The following TUSC3 variants were observed in gnomAD, a reference collection of about 807,000 sequenced individuals.
The protein encoded by TUSC3 is dolichyl-diphosphooligosaccharide--protein glycosyltransferase subunit TUSC3.
A neutral mutation model predicts 44.8 loss-of-function variants in TUSC3; 45 were observed. The ratio of observed to expected loss-of-function variants is 1.00; its 90% confidence interval spans 0.79 to 1.29. TUSC3 has a LOEUF of 1.29. Ranked by LOEUF, TUSC3 falls within the 50% of genes most tolerant of loss-of-function variation. The pLI is 0.00. For missense variants in TUSC3, 519 were observed against 437.9 expected, an observed-to-expected ratio of 1.19 and a Z score of -1.65; for synonymous variants, 212 against 152.9, an observed-to-expected ratio of 1.39 and a Z score of -2.85.
At chr8:15,659,303 A>G (rs1164401004) in intron 3 of TUSC3, among the ~76,000 whole-genome samples, 3 of 152,130 alleles carry the variant, frequency 2.0e-5, no homozygotes, top group Non-Finnish European at 4.4e-5. Flanking sequence ...AAATGTGAAG[A>G]TTCAGATAAC....
intron 2 of TUSC3, among the ~76,000 whole-genome samples, chr8:15,523,698 GTGTGTGTGTGTATA>G (rs1801333151): frequency 1.8e-5 from 1 of 55,334 alleles, no homozygotes. Flanking sequence ...GTGTGTGTGT[GTGTGTGTGTGTATA>G]TATATATATA....
intron 4 of TUSC3, 131 bp downstream of exon 4, chr8:15,659,778 G>A: frequency 8.6e-7 from 1 of 1,164,730 alleles, no homozygotes; most frequent in Non-Finnish European, 1.2e-6. Flanking sequence ...AAAACTGTTC[G>A]ATTACTGCAA....
At position 15,605,883 on chromosome 8, in the gene TUSC3, G is replaced by C. The variant is rs529745373; in HGVS notation, c.139-17197G>C. 5.9e-5 allele frequency among the ~76,000 whole-genome samples: 9 copies of C among 152,036 alleles called. No homozygotes were observed. The South Asian group carries it at 1.9e-3, about 32-fold the overall frequency. ...TGTCATAACTTCGTAGCTGCATTCC[G>C]TTGCTATTAGGGTGAGCTTAAGTGT... On this transcript the variant is annotated intron_variant, in intron 1 of 10. Transcript: ENST00000503731.
chr8:15,647,558 C>G (rs111640588), intron 2 of TUSC3, among the ~76,000 whole-genome samples: 5 of 152,308 alleles, frequency 3.3e-5, no homozygotes, highest in South Asian at 2.1e-4. Flanking sequence ...GCTTCACAGA[C>G]TACAGCTTCT....
At chr8:15,550,293 C>T (rs1802016557) in intron 1 of TUSC3, among the ~76,000 whole-genome samples, 2 of 151,820 alleles carry the variant, frequency 1.3e-5, no homozygotes, top group South Asian at 4.2e-4. Flanking sequence ...GTGGTCTCCT[C>T]CCTTAATGGC....
intron 1 of TUSC3, among the ~76,000 whole-genome samples, chr8:15,568,038 C>G (rs1802740819): frequency 6.6e-6 from 1 of 152,086 alleles, no homozygotes; most frequent in Non-Finnish European, 1.5e-5. Context: ...TCAGGCAAGG[C>G]TACACATATT....
chr8:15,510,755 C>T (rs1414311693), intron 2 of TUSC3, among the ~76,000 whole-genome samples: 1 of 142,578 alleles, frequency 7.0e-6, no homozygotes, highest in Non-Finnish European at 1.6e-5. Context: ...ACTCTCATTA[C>T]AAAACCAAGA....
At chr8:15,825,770 C>T in the TUSC3 span, among the ~76,000 whole-genome samples, 1 of 151,968 alleles carries the variant, frequency 6.6e-6, no homozygotes, top group Non-Finnish European at 1.5e-5. Context: ...ATTTTTTTGC[C>T]CAGGTATTTT....
intron 6 of TUSC3, among the ~76,000 whole-genome samples, chr8:15,678,607 C>T (rs1198515787): frequency 6.6e-6 from 1 of 152,128 alleles, no homozygotes; most frequent in Non-Finnish European, 1.5e-5. Flanking sequence ...GAACATCTAT[C>T]TCTATAGGAA....
Position 15,564,674 on chromosome 8 carries a change from A to G in TUSC3, c.138+24106A>G, listed in dbSNP as rs534023798. ...TCTTCACAGACACAAGCTAGATGAC[A>G]TTTCCCAGTGTCCCATGTTTAGATA... On this transcript the variant is annotated intron_variant, in intron 1 of 10. Transcript: ENST00000503731. 8.5e-5 allele frequency among the ~76,000 whole-genome samples: 13 copies of G among 152,238 alleles called. No individual in the cohort carries two copies. The East Asian group carries it at 1.5e-3, about 18-fold the overall frequency.
intron 9 of TUSC3, among the ~76,000 whole-genome samples, chr8:15,751,972 ATT>A (rs1811723410): frequency 1.3e-5 from 2 of 152,170 alleles, no homozygotes; most frequent in South Asian, 4.1e-4. Flanking sequence ...TCAGTTTTAA[ATT>A]TGAGTTGTTA....
chr8:15,740,093 T>TA (rs533324174), intron 7 of TUSC3, among the ~76,000 whole-genome samples: 33 of 151,286 alleles, frequency 2.2e-4, no homozygotes, highest in Admixed American at 5.3e-4. Flanking sequence ...AATTTTATAA[T>TA]AAAAAAAAAT....
chr8:15,583,076 A>G (rs114414044), intron 1 of TUSC3, among the ~76,000 whole-genome samples: 2,838 of 152,316 alleles, frequency 0.019, 88 homozygotes, highest in African/African-American at 0.065. Context: ...CTGGAATACA[A>G]ATGAGAATGA....
intron 2 of TUSC3, among the ~76,000 whole-genome samples, chr8:15,633,492 A>G (rs771025570): frequency 5.9e-5 from 9 of 152,146 alleles, no homozygotes; most frequent in African/African-American, 1.4e-4. Flanking sequence ...TGGAAATAGG[A>G]TAGTTGTAGA....
chr8:15,525,652 A>G (rs1389527839), intron 2 of TUSC3, among the ~76,000 whole-genome samples: 1 of 152,188 alleles, frequency 6.6e-6, no homozygotes, highest in East Asian at 1.9e-4. Context: ...GGCTAGGCAG[A>G]TAATCCAGAA....
intron 1 of TUSC3, among the ~76,000 whole-genome samples, chr8:15,591,605 A>C (rs539849326): frequency 6.6e-6 from 1 of 152,248 alleles, no homozygotes; most frequent in African/African-American, 2.4e-5. Flanking sequence ...TTAAAGGAAA[A>C]TAATAGATTG....
chr8:15,534,500 G>A (rs368628240), intron 2 of TUSC3, among the ~76,000 whole-genome samples: 6 of 151,930 alleles, frequency 3.9e-5, no homozygotes, highest in African/African-American at 7.3e-5. Flanking sequence ...AAAATTAGCC[G>A]GGCTTGGTGG....
the TUSC3 span, among the ~76,000 whole-genome samples, chr8:15,841,519 ATT>A: frequency 6.8e-6 from 1 of 146,502 alleles, no homozygotes; most frequent in Non-Finnish European, 1.5e-5. Context: ...ATGAGACAAA[ATT>A]TTTTTTTTTT....
intron 1 of TUSC3, among the ~76,000 whole-genome samples, chr8:15,566,600 CA>C (rs1182403023): frequency 2.1e-5 from 3 of 141,662 alleles, no homozygotes; most frequent in Non-Finnish European, 4.7e-5. Context: ...ACAGAAGACA[CA>C]TTTTTTTGTT....
Sources: allele counts gnomAD v4.1 joint callset (sites outside exome capture counted in the v4.1 genomes callset), GRCh38; gene constraint gnomAD v4.1.1; transcripts MANE v1.5; gene names NCBI Gene and HGNC (gene_info 2026-07-23, HGNC 2026-07-21).